DISP3: variants seen among roughly 807,000 people sequenced by gnomAD.
DISP3 encodes dispatched RND transporter family member 3, also known as protein dispatched homolog 3.
DISP3 carries 101 observed loss-of-function variants against 135.3 expected under a neutral mutation model. That is an observed-to-expected ratio of 0.75 (90% CI 0.64 to 0.88). DISP3 has a LOEUF of 0.88. DISP3 is among the 40% of genes least tolerant of loss of function. DISP3 has a pLI of 0.00. For missense variants in DISP3, 1,713 were observed against 1,878.6 expected (o/e 0.91, Z 1.63); for synonymous variants, 856 against 817.0 (o/e 1.05, Z -0.81).
chr1:11,520,886 G>A lies in DISP3; in HGVS notation c.2362+38G>A. 2 of 1,548,236 alleles carry A rather than the reference G, an allele frequency of 1.3e-6. No individual in the cohort carries two copies. The highest frequency in any genetic ancestry group is 1.7e-6 in the Non-Finnish European group (2 of 1,144,338). On this transcript the variant is annotated intron_variant, in intron 10 of 20. Coordinates refer to ENST00000294484, the MANE Select transcript of DISP3 (RefSeq NM_020780.2). The surrounding 1 kb of genome is among the most constrained non-coding windows in gnomAD (Gnocchi z 4.8). Reference sequence around the variant, plus strand: ...GCCAGGCTGTCCCTGGCCCGCTCAGGTGTCCGGGTCCCAAAGACTGTTGGT... The same window carrying A: ...GCCAGGCTGTCCCTGGCCCGCTCAGATGTCCGGGTCCCAAAGACTGTTGGT...
intron 3 of DISP3, among the ~76,000 whole-genome samples, chr1:11,503,627 A>G (rs1022999183): frequency 6.6e-6 from 1 of 152,102 alleles, no homozygotes; most frequent in African/African-American, 2.4e-5. Flanking sequence ...CCTGGCCCCC[A>G]TCCAGTTGGA....
rs776028965 is a variant in DISP3 at position 11,530,900 on chromosome 1, G to T, written c.3103-7G>T. ...GGCCCGGGCCGGCTTGTTTCTCCTT[G>T]GGAAAGGGTAGTGTTGTCTACGACA... On this transcript the variant is annotated splice_polypyrimidine_tract_variant and splice_region_variant and intron_variant, in intron 15 of 20. Transcript: ENST00000294484. 1.9e-6 allele frequency: 3 copies of T among 1,613,610 alleles called. No homozygotes were observed. The East Asian group carries it at 6.7e-5, about 36-fold the overall frequency.
chr1:11,515,325 T>G, intron 4 of DISP3, 44 bp from the exon 5 acceptor site: 1 of 1,611,710 alleles, frequency 6.2e-7, no homozygotes, highest in East Asian at 2.2e-5. Flanking sequence ...TTGTGTCCCA[T>G]GAGGGTCCCC....
At chr1:11,493,778 G>C (rs964107941) in intron 1 of DISP3, among the ~76,000 whole-genome samples, 2 of 151,730 alleles carry the variant, frequency 1.3e-5, no homozygotes, top group Non-Finnish European at 2.9e-5. Flanking sequence ...CACACACCCA[G>C]AATCATGTTT....
rs1341786392 is a variant in DISP3, at chr1:11,516,233, C to T, written c.1749+72C>T. 7 of 1,539,440 alleles carry T rather than the reference C, an allele frequency of 4.5e-6. No homozygotes were observed. Among genetic ancestry groups the T allele is most frequent in the Non-Finnish European group, 6.2e-6 (7 of 1,129,482 alleles). On this transcript the variant is annotated intron_variant, in intron 6 of 20. Transcript: ENST00000294484. This position sits in a 1 kb window ranked among gnomAD's most constrained non-coding sequence, Gnocchi z 5.1. The stretch of plus-strand genomic sequence containing the variant: ...GCATACCTAGCCGCTGGTCTCTGCC[C>T]TTCCCACCACCGCTTGAGTGGCCAT...
chr1:11,534,552 C>A lies in DISP3; in HGVS notation c.3535+12C>A. 6.3e-7 allele frequency: 1 copy of A among 1,592,954 alleles called. No homozygotes were observed. On this transcript the variant is annotated intron_variant, in intron 18 of 20. Coordinates refer to ENST00000294484, the MANE Select transcript of DISP3 (RefSeq NM_020780.2). ...CATGGAAATCGTAGGCAAGCGGCAGCCTCGCCCCTCCATCCTGGGTGGGCA... is the reference window on the plus strand; with the variant it reads ...CATGGAAATCGTAGGCAAGCGGCAGACTCGCCCCTCCATCCTGGGTGGGCA...
chr1:11,519,024 A>C lies in DISP3; in HGVS notation c.1890-331A>C, dbSNP rs1485040462. Among the ~76,000 whole-genome samples the C allele has an allele frequency of 6.6e-6, 1 of 152,088 alleles. No individual in the cohort carries two copies. The highest frequency in any genetic ancestry group is 1.5e-5 in the Non-Finnish European group (1 of 67,996). On this transcript the variant is annotated intron_variant, in intron 7 of 20. Transcript: ENST00000294484. This position sits in a 1 kb window ranked among gnomAD's most constrained non-coding sequence, Gnocchi z 4.3. ...CCCCTGAGTATTAAGTTGGAGGCAGAGCCCCTGGGCCACACAGCAGCAGAG... is the reference window on the plus strand; with the variant it reads ...CCCCTGAGTATTAAGTTGGAGGCAGCGCCCCTGGGCCACACAGCAGCAGAG...
chr1:11,522,466 G>A (rs1004016529), intron 10 of DISP3, among the ~76,000 whole-genome samples: 10 of 152,158 alleles, frequency 6.6e-5, no homozygotes, highest in South Asian at 4.1e-4. Context: ...CATCACCGCC[G>A]CCACAGGCCT....
intron 3 of DISP3, among the ~76,000 whole-genome samples, chr1:11,511,712 C>T (rs755190840): frequency 3.3e-5 from 5 of 152,136 alleles, no homozygotes; most frequent in African/African-American, 4.8e-5. Flanking sequence ...CCTCTTCTCA[C>T]AGCTCCACTA....
At chr1:11,533,474 C>T (rs888726005) in intron 17 of DISP3, among the ~76,000 whole-genome samples, 1 of 152,082 alleles carries the variant, frequency 6.6e-6, no homozygotes, top group African/African-American at 2.4e-5. Flanking sequence ...CCAGGCTGGT[C>T]TCGAACTCCT....
chr1:11,514,615 T>C lies in DISP3; in HGVS notation c.1453+89T>C, dbSNP rs1641950443. ...TGCCTTCTCAAGAATGCTGCAATAC[T>C]CTTGAGCCCAGCATGTCAGAGCTGG... On this transcript the variant is annotated intron_variant, in intron 4 of 20. Transcript: ENST00000294484. The C allele has an allele frequency of 2.0e-6, 3 of 1,469,982 alleles. No individual in the cohort carries two copies. The South Asian group carries it at 3.6e-5, about 17-fold the overall frequency. The allele number at this position is 1,469,982 out of a possible 1,614,324, so 91.1% of individuals were successfully genotyped here.
At chr1:11,525,917 C>T (rs1278278131) in intron 12 of DISP3, among the ~76,000 whole-genome samples, 1 of 152,196 alleles carries the variant, frequency 6.6e-6, no homozygotes, top group Non-Finnish European at 1.5e-5. Context: ...TCAAGCGATC[C>T]TCTCTCATCA....
chr1:11,531,758 G>T lies in DISP3; in HGVS notation c.3375+48G>T, dbSNP rs1314395709. 3 of 1,548,108 alleles carry T rather than the reference G, an allele frequency of 1.9e-6. No individual in the cohort carries two copies. The highest frequency in any genetic ancestry group is 1.2e-5 in the South Asian group (1 of 80,182). ...GGTGCCATGCTGCGTACTTGCCCGG[G>T]GTGTGCCACCTCTGATCCCAGCCCT... On this transcript the variant is annotated intron_variant, in intron 17 of 20. Transcript: ENST00000294484. This position sits in a 1 kb window ranked among gnomAD's most constrained non-coding sequence, Gnocchi z 5.2.
intron 1 of DISP3, among the ~76,000 whole-genome samples, chr1:11,494,688 G>C (rs1230086254): frequency 2.6e-5 from 4 of 152,168 alleles, no homozygotes; most frequent in Non-Finnish European, 5.9e-5. Flanking sequence ...GATGTTCAAG[G>C]ACCAGAGCTG....
chr1:11,533,249 G>C (rs762959234), intron 17 of DISP3, among the ~76,000 whole-genome samples: 3 of 130,542 alleles, frequency 2.3e-5, no homozygotes, highest in Non-Finnish European at 1.6e-5. Flanking sequence ...TTTGGTGACT[G>C]TTTCTTTTTT....
At chr1:11,514,337 C>T (rs1570110612) in intron 3 of DISP3, 53 bp from the exon 4 acceptor site, 1 of 1,540,522 alleles carries the variant, frequency 6.5e-7, no homozygotes, top group East Asian at 2.3e-5. Flanking sequence ...TGTTCACAGC[C>T]ATCTCTAATC....
chr1:11,534,846 G>A (rs1340755977), intron 18 of DISP3, 165 bp from the exon 19 acceptor site: 3 of 796,090 alleles, frequency 3.8e-6, no homozygotes, highest in South Asian at 2.9e-5. Flanking sequence ...GGCCTGACCT[G>A]TGTTCTCTTC....
rs1220005254 is a variant in DISP3, at chr1:11,499,619, C to G, written c.-3-1371C>G. On this transcript the variant is annotated intron_variant, in intron 1 of 20. Transcript: ENST00000294484. The surrounding 1 kb of genome is among the most constrained non-coding windows in gnomAD (Gnocchi z 5.2). ...TCTCCTGCAAGTCTTCCGCTGCGCA[C>G]CCCTCCTCTCCCCCACATCCTCAGT... Among the ~76,000 whole-genome samples the G allele has an allele frequency of 6.6e-6, 1 of 152,102 alleles. No homozygotes were observed. Among genetic ancestry groups the G allele is most frequent in the African/African-American group, 2.4e-5 (1 of 41,412 alleles).
chr1:11,502,918 C>T (rs1185673164), intron 3 of DISP3, 21 bp downstream of exon 3: 1 of 1,588,342 alleles, frequency 6.3e-7, no homozygotes, highest in Admixed American at 1.7e-5. Flanking sequence ...CAGCTGCATC[C>T]TGTGTGTGCA....
Sources: gnomAD v4.1 joint callset for allele counts (sites outside exome capture counted in the v4.1 genomes callset) on GRCh38, gnomAD v4.1.1 for gene constraint, Gnocchi (gnomAD v3.1) non-coding constraint, MANE v1.5 for transcripts, NCBI Gene and HGNC (gene_info 2026-07-23, HGNC 2026-07-21) for gene names.